CRIPT: variants seen among roughly 807,000 people sequenced by gnomAD.
CRIPT encodes CXXC repeat containing interactor of PDZ3 domain, also known as cysteine-rich PDZ-binding protein.
CRIPT carries 20 observed loss-of-function variants against 16.6 expected under a neutral mutation model. The observed-to-expected ratio is 1.20, with a 90% CI of 0.85 to 1.75. The LOEUF (loss-of-function observed/expected upper bound fraction) is 1.75. Among genes scored for constraint, CRIPT ranks in the 40% most tolerant of loss-of-function variants. CRIPT has a pLI of 0.00. For missense variants in CRIPT, 133 were observed against 115.3 expected (o/e 1.15, Z -0.70); for synonymous variants, 42 against 37.0 (o/e 1.14, Z -0.49).
At chr2:46,618,703 C>A in intron 1 of CRIPT, 70 bp from the exon 2 acceptor site, 1 of 989,990 alleles carries the variant, frequency 1.0e-6, no homozygotes. Flanking sequence ...CATTGTGAAC[C>A]TTAGGCACAA....
chr2:46,620,117 TAAAAAC>T (rs1438094213), intron 3 of CRIPT, among the ~76,000 whole-genome samples: 4 of 152,170 alleles, frequency 2.6e-5, no homozygotes, highest in Non-Finnish European at 5.9e-5. Flanking sequence ...TGTCCCATCT[TAAAAAC>T]AAGTGTTTGA....
Position 46,617,234 on chromosome 2 carries a change from C to CCTG in CRIPT, c.-33_-31dup, listed in dbSNP as rs537008712. 1,310 of 1,546,520 alleles carry CCTG rather than the reference C, an allele frequency of 8.5e-4. 8 individuals carry two copies. The African/African-American group carries it at 0.015, about 17-fold the overall frequency. The stretch of plus-strand genomic sequence containing the variant: ...CAAGTTGTAGTGTTGTTGTTTTCAG[C>CCTG]CTGCTGCTGCTGCTGCTGTTGCGGC... On this transcript the variant is annotated 5_prime_UTR_variant, in exon 1 of 5. Transcript: ENST00000238892.
At position 46,618,782 on chromosome 2, in the gene CRIPT, A is replaced by G; in HGVS notation, c.26A>G (p.Lys9Arg). The G allele has an allele frequency of 6.2e-7, 1 of 1,602,048 alleles. No individual in the cohort carries two copies. Among genetic ancestry groups the G allele is most frequent in the Middle Eastern group, 1.7e-4 (1 of 5,942 alleles). The stretch of plus-strand genomic sequence containing the variant: ...TATCTTGTTCTAACAGGTGAAAAGA[A>G]ACTTGGTACTGTTATCACTCCAGAT... MVCEKCEK[K>R]LGTVITPDTW... The change falls in exon 2 of 5, where the codon AAA (lysine) becomes AGA (arginine). Residue 9 changes from lysine to arginine, a missense_variant. Lys to Arg is a conservative substitution (Grantham distance 26). Coordinates refer to ENST00000238892, the MANE Select transcript of CRIPT (RefSeq NM_014171.6).
At chr2:46,617,490 G>A (rs1670691985) in intron 1 of CRIPT, among the ~76,000 whole-genome samples, 192 bp downstream of exon 1, 1 of 152,068 alleles carries the variant, frequency 6.6e-6, no homozygotes, top group African/African-American at 2.4e-5. Context: ...TTTGTACTCA[G>A]AATGGTCTCA....
intron 3 of CRIPT, among the ~76,000 whole-genome samples, chr2:46,622,499 C>G (rs2104172112): frequency 6.6e-6 from 1 of 151,798 alleles, no homozygotes; most frequent in African/African-American, 2.4e-5. Flanking sequence ...AAGAAGAGTA[C>G]CTATCTTTTG....
In CRIPT at chr2:46,625,007, G is replaced by A. The variant is rs1460584086; in HGVS notation, c.*780G>A. On this transcript the variant is annotated 3_prime_UTR_variant, in exon 5 of 5. Transcript: ENST00000238892. ...TTTTTTTTTTTTTTTTTTACCTCCT[G>A]TCTTGCCCCCTAAAAGAAATAAATA... 1 of 119,966 alleles carries A rather than the reference G, an allele frequency of 8.3e-6. No homozygotes were observed. The highest frequency in any genetic ancestry group is 1.7e-5 in the Non-Finnish European group (1 of 58,178). The allele number at this position is 119,966 out of a possible 1,614,324, so 7.4% of individuals were successfully genotyped here.
chr2:46,621,592 C>G (rs915682400), intron 3 of CRIPT, among the ~76,000 whole-genome samples: 1 of 152,232 alleles, frequency 6.6e-6, no homozygotes, highest in Non-Finnish European at 1.5e-5. Flanking sequence ...CCTCTTCTCA[C>G]TACAATATTA....
rs1233792827 is a variant in CRIPT at position 46,624,715 on chromosome 2, C to G, written c.*488C>G. 6.6e-6 allele frequency: 1 copy of G among 152,180 alleles called. No individual in the cohort carries two copies. Among genetic ancestry groups the G allele is most frequent in the Non-Finnish European group, 1.5e-5 (1 of 68,054 alleles). The allele number at this position is 152,180 out of a possible 1,614,324, so 9.4% of individuals were successfully genotyped here. ...TTCAAGCCATTATTGCTGAATGGTT[C>G]TTTAGTTATTAACCTAGACCCAAAT... is the stretch of plus-strand genomic sequence containing the variant. On this transcript the variant is annotated 3_prime_UTR_variant, in exon 5 of 5. Transcript: ENST00000238892.
At position 46,627,991 on chromosome 2, in the gene CRIPT, G is replaced by A. The variant is rs1397530277; in HGVS notation, c.*3764G>A. On this transcript the variant is annotated 3_prime_UTR_variant, in exon 5 of 5. Transcript: ENST00000238892. The stretch of plus-strand genomic sequence containing the variant: ...TCTGTTTTTATATCTGTACCATGCT[G>A]TTTTGGTTACTGTAGCTTCCTTATA... Among the ~76,000 whole-genome samples, 1 of 151,880 alleles carries A rather than the reference G, an allele frequency of 6.6e-6. No individual in the cohort carries two copies. The highest frequency in any genetic ancestry group is 2.4e-5 in the African/African-American group (1 of 41,340).
chr2:46,625,546 T>C lies in CRIPT; in HGVS notation c.*1319T>C, dbSNP rs1210542186. The C allele has an allele frequency of 6.6e-6, 1 of 152,074 alleles. No individual in the cohort carries two copies. Among genetic ancestry groups the C allele is most frequent in the East Asian group, 1.9e-4 (1 of 5,198 alleles). 9.4% of individuals were successfully genotyped at this position (152,074 alleles called of 1,614,324 possible). The stretch of plus-strand genomic sequence containing the variant: ...TGCAGTATGTATAAATACATATCAC[T>C]ACAAAATGTATAGAAAGTGTGATGA... On this transcript the variant is annotated 3_prime_UTR_variant, in exon 5 of 5. Transcript: ENST00000238892.
chr2:46,617,874 T>A (rs1051575599), intron 1 of CRIPT, among the ~76,000 whole-genome samples: 4 of 152,000 alleles, frequency 2.6e-5, no homozygotes, highest in Non-Finnish European at 5.9e-5. Flanking sequence ...AACCTGGCGT[T>A]CAGGACCCTC....
intron 3 of CRIPT, among the ~76,000 whole-genome samples, chr2:46,620,373 G>T (rs1262786624): frequency 1.3e-5 from 2 of 152,098 alleles, no homozygotes; most frequent in East Asian, 1.9e-4. Context: ...CTTGATCCCA[G>T]GGAGGTCAAG....
chr2:46,628,836 C>T lies in CRIPT; in HGVS notation c.*4609C>T, dbSNP rs1671006576. ...TTTAAAAGGAAGACATACAAACAGA[C>T]ACTATAACCAAATAAGATGACAGAA... On this transcript the variant is annotated 3_prime_UTR_variant, in exon 5 of 5. Transcript: ENST00000238892. Among the ~76,000 whole-genome samples the T allele has an allele frequency of 1.3e-5, 2 of 152,038 alleles. No individual in the cohort carries two copies. Among genetic ancestry groups the T allele is most frequent in the African/African-American group, 4.8e-5 (2 of 41,368 alleles).
rs1670891275 is a variant in CRIPT, at chr2:46,624,678, A to G, written c.*451A>G. The G allele has an allele frequency of 6.6e-6, 1 of 152,314 alleles. No homozygotes were observed. Among genetic ancestry groups the G allele is most frequent in the South Asian group, 2.1e-4 (1 of 4,836 alleles). 9.4% of individuals were successfully genotyped at this position (152,314 alleles called of 1,614,324 possible). On this transcript the variant is annotated 3_prime_UTR_variant, in exon 5 of 5. Transcript: ENST00000238892. ...TCTTAACTAATTGCGGTTTCATAGG[A>G]TATATAAATGTTTCAAGCCATTATT...
In CRIPT at chr2:46,625,813, G is replaced by C. The variant is rs1025432685; in HGVS notation, c.*1586G>C. On this transcript the variant is annotated 3_prime_UTR_variant, in exon 5 of 5. Transcript: ENST00000238892. ...ACACAGGAAACTCATAACAGGACCTGGTCAGAGAGCATCCCAGATCCATTA... is the reference window on the plus strand; with the variant it reads ...ACACAGGAAACTCATAACAGGACCTCGTCAGAGAGCATCCCAGATCCATTA... 6.6e-6 allele frequency: 1 copy of C among 152,022 alleles called. No homozygotes were observed. Among genetic ancestry groups the C allele is most frequent in the African/African-American group, 2.4e-5 (1 of 41,394 alleles). 9.4% of individuals were successfully genotyped at this position (152,022 alleles called of 1,614,324 possible).
At position 46,626,933 on chromosome 2, in the gene CRIPT, A is replaced by G. The variant is rs1280724587; in HGVS notation, c.*2706A>G. On this transcript the variant is annotated 3_prime_UTR_variant, in exon 5 of 5. Transcript: ENST00000238892. ...CTGCAACCTCCACCTCCCGGGTTCA[A>G]GCGATTCTCCTGCCCCAGCCTCCTG... Among the ~76,000 whole-genome samples, 2 of 152,250 alleles carry G rather than the reference A, an allele frequency of 1.3e-5. No homozygotes were observed. The highest frequency in any genetic ancestry group is 3.9e-4 in the East Asian group (2 of 5,184).
At chr2:46,622,992 A>T (rs1670848287) in intron 3 of CRIPT, among the ~76,000 whole-genome samples, 1 of 152,004 alleles carries the variant, frequency 6.6e-6, no homozygotes, top group East Asian at 1.9e-4. Flanking sequence ...TCAGAGTATT[A>T]TTGCCATTTT....
intron 3 of CRIPT, among the ~76,000 whole-genome samples, chr2:46,620,318 G>A (rs956139369): frequency 5.9e-5 from 9 of 152,030 alleles, no homozygotes; most frequent in African/African-American, 1.4e-4. Context: ...GTGGCAGCAC[G>A]CGCCTGTAGT....
intron 3 of CRIPT, among the ~76,000 whole-genome samples, chr2:46,620,705 A>ATG: frequency 6.9e-6 from 1 of 144,480 alleles, no homozygotes; most frequent in South Asian, 2.2e-4. Context: ...TATATATGTA[A>ATG]TAATATTATT....
Sources: allele counts gnomAD v4.1 joint callset (sites outside exome capture counted in the v4.1 genomes callset), GRCh38; gene constraint gnomAD v4.1.1; transcripts MANE v1.5; gene names NCBI Gene and HGNC (gene_info 2026-07-23, HGNC 2026-07-21).